SHROOM4: variants seen among roughly 807,000 people sequenced by gnomAD.
SHROOM4 encodes protein Shroom4.
In SHROOM4, 17 loss-of-function variants were observed where a neutral mutation model predicts 80.3. The observed-to-expected ratio is 0.21, with a 90% CI of 0.14 to 0.32. The LOEUF (loss-of-function observed/expected upper bound fraction) is 0.32. Among genes scored for constraint, SHROOM4 ranks in the 10% least tolerant of loss-of-function variants. SHROOM4 has a pLI of 1.00. For synonymous variants in SHROOM4, 400 were observed against 437.5 expected (o/e 0.91, Z 1.07); for missense variants, 993 against 1,140.3 (o/e 0.87, Z 1.86).
chrX:50,744,450 G>A (rs1934733214), intron 1 of SHROOM4, among the ~76,000 whole-genome samples: 1 of 111,583 alleles, frequency 9.0e-6, no homozygotes, highest in African/African-American at 3.3e-5. Flanking sequence ...TAAAAAATAA[G>A]TTCTATCACT....
intron 1 of SHROOM4, among the ~76,000 whole-genome samples, chrX:50,697,811 A>G (rs1933412884): frequency 9.0e-6 from 1 of 111,706 alleles, no homozygotes; most frequent in Non-Finnish European, 1.9e-5. Context: ...AAAGAGAGAG[A>G]GAAAAGGAAA....
At chrX:50,795,073 A>C (rs191801036) in intron 1 of SHROOM4, among the ~76,000 whole-genome samples, 2 of 51,346 alleles carry the variant, frequency 3.9e-5, no homozygotes, top group Admixed American at 2.8e-4. Context: ...ATATATATAT[A>C]TGATATATAT....
At chrX:50,742,046 A>C (rs1292805334) in intron 1 of SHROOM4, among the ~76,000 whole-genome samples, 1 of 110,882 alleles carries the variant, frequency 9.0e-6, no homozygotes, top group Non-Finnish European at 1.9e-5. Flanking sequence ...TTTTAAGAAA[A>C]ATGTATGTAA....
At chrX:50,682,482 AG>A (rs1480685915) in intron 2 of SHROOM4, among the ~76,000 whole-genome samples, 1 of 111,825 alleles carries the variant, frequency 8.9e-6, no homozygotes, top group East Asian at 2.8e-4. Flanking sequence ...ACTATACTTA[AG>A]ATAGGAGGAA....
At chrX:50,605,339 C>A (rs782357362) in intron 6 of SHROOM4, among the ~76,000 whole-genome samples, 13 of 112,074 alleles carry the variant, frequency 1.2e-4, no homozygotes, top group Non-Finnish European at 2.3e-4. Context: ...AGTAAGCAAT[C>A]AAAAAAATTA....
rs781931415 is a variant in SHROOM4, at chrX:50,635,220, C to A, written c.853G>T (p.Ala285Ser). 9.1e-6 allele frequency: 11 copies of A among 1,203,328 alleles called. No individual in the cohort carries two copies. Among genetic ancestry groups the A allele is most frequent in the Non-Finnish European group, 1.2e-5 (11 of 891,023 alleles). ...QPPVRRDSLQ[A>S]SRAQLLNGEQ... ...CCATTGAGGAGTTGGGCTCTGGAGG[C>A]CTGAAGGCTGTCCCGCCTCACTGGA... The change falls in exon 4 of 9, where the codon GCC becomes TCC. Residue 285 changes from alanine (A) to serine (S), a missense_variant. By Grantham distance (99) the Ala-to-Ser change is moderately conservative (BLOSUM62 1). Coordinates refer to ENST00000376020, the MANE Select transcript of SHROOM4 (RefSeq NM_020717.5).
chrX:50,766,383 G>A (rs1248869714), intron 1 of SHROOM4, among the ~76,000 whole-genome samples: 1 of 111,326 alleles, frequency 9.0e-6, no homozygotes, highest in Non-Finnish European at 1.9e-5. Flanking sequence ...CAGTCTTAAA[G>A]AGCATGAACT....
At chrX:50,748,081 G>C (rs182901581) in intron 1 of SHROOM4, among the ~76,000 whole-genome samples, 1 of 111,957 alleles carries the variant, frequency 8.9e-6, no homozygotes, top group Non-Finnish European at 1.9e-5. Flanking sequence ...TGAAAGAGGA[G>C]ACTCTCCTAG....
At chrX:50,645,662 G>T (rs992184397) in intron 2 of SHROOM4, among the ~76,000 whole-genome samples, 1 of 112,273 alleles carries the variant, frequency 8.9e-6, no homozygotes, top group Non-Finnish European at 1.9e-5. Context: ...GGTTTAGCCA[G>T]TTTGGGATTT....
At chrX:50,673,851 G>A (rs782248501) in intron 2 of SHROOM4, among the ~76,000 whole-genome samples, 1 of 108,647 alleles carries the variant, frequency 9.2e-6, no homozygotes, top group Non-Finnish European at 1.9e-5. Flanking sequence ...AAATCCCAAA[G>A]AATCTAAAAC....
chrX:50,776,042 T>C (rs375915936), intron 1 of SHROOM4, among the ~76,000 whole-genome samples: 2 of 111,897 alleles, frequency 1.8e-5, no homozygotes, highest in Admixed American at 1.9e-4. Context: ...GAAAGAGCAC[T>C]TCCAGCCTTT....
intron 5 of SHROOM4, among the ~76,000 whole-genome samples, chrX:50,617,278 T>C (rs1441805514): frequency 8.9e-6 from 1 of 112,326 alleles, no homozygotes; most frequent in Admixed American, 9.4e-5. Context: ...CTAGAAATGA[T>C]GCTAGGAACA....
intron 2 of SHROOM4, among the ~76,000 whole-genome samples, chrX:50,646,840 A>G (rs1463620910): frequency 1.8e-5 from 2 of 110,229 alleles, no homozygotes; most frequent in Non-Finnish European, 3.8e-5. Context: ...TAAGAAAAGA[A>G]GGGAATGTTC....
chrX:50,718,876 A>C (rs1473233028), intron 1 of SHROOM4, among the ~76,000 whole-genome samples: 1 of 111,525 alleles, frequency 9.0e-6, no homozygotes, highest in Non-Finnish European at 1.9e-5. Context: ...TCCTAGCCCA[A>C]TGCAAACTTA....
chrX:50,768,956 A>G (rs1489242370), intron 1 of SHROOM4, among the ~76,000 whole-genome samples: 1 of 111,909 alleles, frequency 8.9e-6, no homozygotes, highest in East Asian at 2.8e-4. Context: ...AAACTAGAAG[A>G]GAATATTTGG....
At chrX:50,739,352 G>A (rs1354965979) in intron 1 of SHROOM4, among the ~76,000 whole-genome samples, 1 of 111,541 alleles carries the variant, frequency 9.0e-6, no homozygotes, top group African/African-American at 3.3e-5. Flanking sequence ...AAACTAAAGA[G>A]CTTCTGCACA....
At chrX:50,671,377 A>T (rs1557260811) in intron 2 of SHROOM4, among the ~76,000 whole-genome samples, 1 of 112,156 alleles carries the variant, frequency 8.9e-6, no homozygotes, top group Non-Finnish European at 1.9e-5. Flanking sequence ...TTTAGCTATG[A>T]AAGTCCTAGA....
chrX:50,751,106 C>CT (rs1934906882), intron 1 of SHROOM4, among the ~76,000 whole-genome samples: 2 of 111,850 alleles, frequency 1.8e-5, no homozygotes, highest in African/African-American at 6.5e-5. Context: ...TATCTTTATT[C>CT]TTTTTTGTTA....
At chrX:50,762,443 T>C (rs925310406) in intron 1 of SHROOM4, among the ~76,000 whole-genome samples, 1 of 112,509 alleles carries the variant, frequency 8.9e-6, no homozygotes, top group Non-Finnish European at 1.9e-5. Flanking sequence ...TATGTAATTA[T>C]GCTGTCTTTT....
Sources: allele counts gnomAD v4.1 joint callset (sites outside exome capture counted in the v4.1 genomes callset), GRCh38; gene constraint gnomAD v4.1.1; transcripts MANE v1.5; gene names NCBI Gene and HGNC (gene_info 2026-07-23, HGNC 2026-07-21).